Variants in NLGN1 observed in about 807,000 individuals in gnomAD.
NLGN1 encodes neuroligin 1.
Under a neutral mutation model 65.5 loss-of-function variants are expected in NLGN1, and 12 were observed. The observed-to-expected ratio is 0.18, with a 90% CI of 0.12 to 0.30. NLGN1 has a LOEUF of 0.30. NLGN1 is among the 10% of genes least tolerant of loss of function. NLGN1 has a pLI of 1.00. For missense variants in NLGN1, 750 were observed against 1,007.1 expected, an observed-to-expected ratio of 0.74 and a Z score of 3.46; for synonymous variants, 350 against 359.5, an observed-to-expected ratio of 0.97 and a Z score of 0.30.
intron 4 of NLGN1, among the ~76,000 whole-genome samples, chr3:174,118,843 T>C (rs904864162): frequency 6.6e-6 from 1 of 152,038 alleles, no homozygotes; most frequent in Non-Finnish European, 1.5e-5. Context: ...CATAGTATGG[T>C]TTTTCCTGTT....
intron 3 of NLGN1, among the ~76,000 whole-genome samples, chr3:173,701,804 T>C (rs1767207951): frequency 6.6e-6 from 1 of 152,178 alleles, no homozygotes; most frequent in Non-Finnish European, 1.5e-5. Context: ...GATAAATGAC[T>C]TGCTTAAGGT....
chr3:174,130,694 A>G (rs1720005283), intron 4 of NLGN1, among the ~76,000 whole-genome samples: 1 of 152,192 alleles, frequency 6.6e-6, no homozygotes, highest in South Asian at 2.1e-4. Context: ...GCAGACAACA[A>G]GAATAAAAGC....
intron 4 of NLGN1, among the ~76,000 whole-genome samples, chr3:173,884,946 G>T (rs572047544): frequency 7.2e-5 from 11 of 152,216 alleles, no homozygotes; most frequent in African/African-American, 2.6e-4. Context: ...GAGAGGTAAA[G>T]AAGGGACTTA....
intron 4 of NLGN1, among the ~76,000 whole-genome samples, chr3:173,905,342 G>A (rs1156616617): frequency 4.6e-5 from 7 of 152,186 alleles, no homozygotes; most frequent in Admixed American, 4.6e-4. Flanking sequence ...GAGAGCCAAA[G>A]GGTCCATATT....
intron 2 of NLGN1, among the ~76,000 whole-genome samples, chr3:173,593,074 C>T (rs1016985187): frequency 2.0e-5 from 3 of 152,156 alleles, no homozygotes; most frequent in South Asian, 2.1e-4. Context: ...ATTAATTCTT[C>T]AGGAAGATCA....
intron 2 of NLGN1, among the ~76,000 whole-genome samples, chr3:173,572,662 G>C (rs192610421): frequency 2.9e-4 from 44 of 152,268 alleles, no homozygotes; most frequent in Middle Eastern, 3.4e-3. Context: ...TTATGATTTC[G>C]AGCCAGTGCC....
intron 2 of NLGN1, among the ~76,000 whole-genome samples, chr3:173,514,685 G>T (rs908151434): frequency 5.3e-5 from 8 of 152,028 alleles, no homozygotes; most frequent in African/African-American, 1.9e-4. Context: ...CTTAGCCCTG[G>T]TAACCACAAT....
rs565613563 is a variant in NLGN1 at position 174,198,106 on chromosome 3, G to A, written c.647-77209G>A. Among the ~76,000 whole-genome samples the A allele has an allele frequency of 2.5e-4, 38 of 152,076 alleles. No individual in the cohort carries two copies. In the South Asian group the frequency reaches 6.7e-3, roughly 27 times the overall value. ...TCTAAGAACATGATTCCATGAAATC[G>A]ATAATCATCTATAATATAATCATTC... On this transcript the variant is annotated intron_variant, in intron 4 of 6. Coordinates refer to ENST00000457714, the Ensembl canonical transcript of NLGN1.
chr3:173,884,564 T>G (rs1031726305), intron 4 of NLGN1, among the ~76,000 whole-genome samples: 1 of 152,152 alleles, frequency 6.6e-6, no homozygotes, highest in Non-Finnish European at 1.5e-5. Context: ...CTACATACTT[T>G]GAGATTAGTT....
chr3:174,104,564 G>A (rs1054698413), intron 4 of NLGN1, among the ~76,000 whole-genome samples: 7 of 152,106 alleles, frequency 4.6e-5, no homozygotes, highest in Admixed American at 1.3e-4. Context: ...TAGACACGTA[G>A]GAACATTAAA....
rs112033320 is a variant in NLGN1 at position 173,709,639 on chromosome 3, T to G, written c.494-98041T>G. ...CAAAATGATGAAACCCCATCCCTAC[T>G]AAAAATACAAAAAATTAGCCGGGCA... On this transcript the variant is annotated intron_variant, in intron 3 of 6. Coordinates refer to ENST00000457714, the Ensembl canonical transcript of NLGN1. Among the ~76,000 whole-genome samples, 842 of 151,428 alleles carry G rather than the reference T, an allele frequency of 5.6e-3. 7 individuals carry two copies. Among genetic ancestry groups the G allele is most frequent in the African/African-American group, 0.019 (783 of 41,266 alleles).
At chr3:173,934,872 C>T (rs1744768681) in intron 4 of NLGN1, among the ~76,000 whole-genome samples, 2 of 151,972 alleles carry the variant, frequency 1.3e-5, no homozygotes, top group African/African-American at 4.8e-5. Context: ...TCTTTAAAGA[C>T]ATAATATATT....
At chr3:173,574,402 T>C (rs1198245678) in intron 2 of NLGN1, among the ~76,000 whole-genome samples, 1 of 151,796 alleles carries the variant, frequency 6.6e-6, no homozygotes, top group African/African-American at 2.4e-5. Context: ...AGAGAGAAAA[T>C]AGATGTTAAA....
intron 4 of NLGN1, among the ~76,000 whole-genome samples, chr3:173,918,024 C>T (rs947595672): frequency 6.6e-6 from 1 of 152,058 alleles, no homozygotes; most frequent in African/African-American, 2.4e-5. Context: ...GAACACGTAC[C>T]TCTAAGGCTG....
intron 4 of NLGN1, among the ~76,000 whole-genome samples, chr3:174,117,881 A>G (rs891885676): frequency 4.6e-5 from 7 of 152,212 alleles, no homozygotes; most frequent in African/African-American, 1.7e-4. Context: ...CCTTTATTTA[A>G]CATACAATCT....
chr3:173,737,658 C>T (rs1263978100), intron 3 of NLGN1, among the ~76,000 whole-genome samples: 1 of 152,020 alleles, frequency 6.6e-6, no homozygotes, highest in Admixed American at 6.6e-5. Flanking sequence ...TCAGTGTCAG[C>T]TGATGGACTT....
At chr3:173,798,163 T>G (rs1409180721) in intron 3 of NLGN1, among the ~76,000 whole-genome samples, 1 of 152,088 alleles carries the variant, frequency 6.6e-6, no homozygotes, top group African/African-American at 2.4e-5. Context: ...AAATTTGAGC[T>G]CACATTAATG....
chr3:173,944,306 CAT>C lies in NLGN1; in HGVS notation c.646+136475_646+136476del, dbSNP rs542613258. ...TATTTAAGAATGAATCACAAACATA[CAT>C]GTGGAGAAAAAAATGCCATATTAAA... is the stretch of plus-strand genomic sequence containing the variant. On this transcript the variant is annotated intron_variant, in intron 4 of 6. Transcript: ENST00000457714. Among the ~76,000 whole-genome samples the C allele has an allele frequency of 2.4e-4, 37 of 151,966 alleles. No homozygotes were observed. The South Asian group carries it at 7.3e-3, about 30-fold the overall frequency.
intron 4 of NLGN1, among the ~76,000 whole-genome samples, chr3:174,074,356 T>C (rs1035184768): frequency 7.9e-5 from 12 of 152,188 alleles, no homozygotes; most frequent in African/African-American, 2.9e-4. Context: ...GTGTTGTTTG[T>C]GATTATAATT....
Sources: allele counts gnomAD v4.1 joint callset (sites outside exome capture counted in the v4.1 genomes callset), GRCh38; gene constraint gnomAD v4.1.1; transcripts MANE v1.5; gene names NCBI Gene and HGNC (gene_info 2026-07-23, HGNC 2026-07-21).